Variants in GDF5 observed in about 807,000 individuals in gnomAD.
The protein encoded by GDF5 is growth/differentiation factor 5.
In GDF5, 17 loss-of-function variants were observed where a neutral mutation model predicts 34.6. That is an observed-to-expected ratio of 0.49 (90% CI 0.34 to 0.74). The LOEUF (loss-of-function observed/expected upper bound fraction) is 0.74, where lower values mean the gene tolerates loss of function less well. Ranked by LOEUF, GDF5 falls within the 30% of genes least tolerant of loss-of-function variation. The pLI, the probability that GDF5 is intolerant of heterozygous loss-of-function variation, is 0.01. For synonymous variants in GDF5, 332 were observed against 290.7 expected, an observed-to-expected ratio of 1.14 and a Z score of -1.44; for missense variants, 616 against 661.2, an observed-to-expected ratio of 0.93 and a Z score of 0.75.
At chr20:35,452,845 T>C (rs1289873252) in intron 1 of GDF5, among the ~76,000 whole-genome samples, 1 of 152,210 alleles carries the variant, frequency 6.6e-6, no homozygotes, top group Non-Finnish European at 1.5e-5. Flanking sequence ...ACCTACCATG[T>C]GTGTAAGACT....
chr20:35,437,819 C>T lies in GDF5; in HGVS notation c.110G>A (p.Gly37Glu). 1 of 1,613,744 alleles carries T rather than the reference C, an allele frequency of 6.2e-7. No individual in the cohort carries two copies. The highest frequency in any genetic ancestry group is 8.5e-7 in the Non-Finnish European group (1 of 1,179,820). The change falls in exon 1 of 2, where the codon GGG (glycine) becomes GAG (glutamate). Residue 37 changes from glycine to glutamate, a missense_variant. By Grantham distance (98) the Gly-to-Glu change is moderately conservative. Transcript: ENST00000374369. ...GAPDLGQRPQ[G>E]TRPGLAKAEA... ...TGCTTTGGCCAATCCTGGCCTGGTC[C>T]CCTGGGGTCTCTGGCCCAAGTCAGG...
intron 1 of GDF5, among the ~76,000 whole-genome samples, chr20:35,450,276 A>G (rs2062526700): frequency 6.6e-6 from 1 of 151,732 alleles, no homozygotes; most frequent in Non-Finnish European, 1.5e-5. Context: ...ACTGCACTCC[A>G]GCCTGGGCTA....
chr20:35,448,741 A>G (rs1160511920), intron 1 of GDF5, among the ~76,000 whole-genome samples: 1 of 152,048 alleles, frequency 6.6e-6, no homozygotes, highest in East Asian at 1.9e-4. Context: ...ATCAGGCCTG[A>G]CCAAGGGCCC....
Position 35,438,136 on chromosome 20 carries a change from T to A in GDF5, c.-208A>T. The A allele has an allele frequency of 1.6e-6, 1 of 622,090 alleles. No homozygotes were observed. Among genetic ancestry groups the A allele is most frequent in the Non-Finnish European group, 2.8e-6 (1 of 351,278 alleles). 38.5% of individuals were successfully genotyped at this position (622,090 alleles called of 1,614,324 possible). A position where few individuals can be genotyped will look rare whatever the true frequency, so the allele number is the denominator to read the frequency against. On this transcript the variant is annotated 5_prime_UTR_variant, in exon 1 of 2. Transcript: ENST00000374369. Reference sequence around the variant, plus strand: ...ATCCAGTCCCATAGTGGAAATGCTCTCGTATCCAGACGTGCACCGTCTCCA... The same window carrying A: ...ATCCAGTCCCATAGTGGAAATGCTCACGTATCCAGACGTGCACCGTCTCCA...
intron 1 of GDF5, among the ~76,000 whole-genome samples, chr20:35,448,413 A>T (rs224342): frequency 0.64 from 61,643 of 96,740 alleles, 20,206 homozygotes; most frequent in Non-Finnish European, 0.7. Flanking sequence ...AAAAAAAAAA[A>T]ATATATATAT....
intron 1 of GDF5, chr20:35,435,394 G>A (rs1376889707): frequency 7.0e-6 from 1 of 142,462 alleles, no homozygotes; most frequent in Non-Finnish European, 1.5e-5. Flanking sequence ...CAAGGCTTCA[G>A]TGAGCCGTGA....
chr20:35,438,313 G>GC, upstream of GDF5: 1 of 257,560 alleles, frequency 3.9e-6, no homozygotes, highest in Non-Finnish European at 7.6e-6. Context: ...GTGTGCTCCA[G>GC]TTTTTTTTTC....
chr20:35,442,687 G>T (rs143258976), upstream of GDF5, among the ~76,000 whole-genome samples: 2 of 151,370 alleles, frequency 1.3e-5, no homozygotes, highest in Non-Finnish European at 2.9e-5. Context: ...TGGGACTACC[G>T]ATGCGCACCA....
chr20:35,450,237 C>T (rs1337178639), intron 1 of GDF5, among the ~76,000 whole-genome samples: 2 of 149,360 alleles, frequency 1.3e-5, no homozygotes, highest in Non-Finnish European at 3.0e-5. Context: ...ACCCAGGAGG[C>T]GGAGGTTGCA....
At chr20:35,439,068 G>A (rs2146584946), upstream of GDF5, among the ~76,000 whole-genome samples, 1 of 151,910 alleles carries the variant, frequency 6.6e-6, no homozygotes, top group Non-Finnish European at 1.5e-5. Flanking sequence ...CTTCAGGCTT[G>A]GGGGCACTGT....
Position 35,434,553 on chromosome 20 carries a change from C to G in GDF5, c.862G>C (p.Gly288Arg), listed in dbSNP as rs752359558. The change falls in exon 2 of 2, where the codon GGA becomes CGA. Residue 288 changes from glycine to arginine, a missense_variant. Physicochemically the swap from Gly to Arg is moderately radical, Grantham distance 125. Coordinates refer to ENST00000374369, the MANE Select transcript of GDF5 (RefSeq NM_000557.5). ...ATGTCGAACACCTCCCAGCCAGATCCGTCCAGGCCTGGCACGGAGCGCACA... is the reference window on the plus strand; with the variant it reads ...ATGTCGAACACCTCCCAGCCAGATCGGTCCAGGCCTGGCACGGAGCGCACA... The part of the protein sequence containing the change: ...LDVRSVPGLD[G>R]SGWEVFDIWK... The G allele has an allele frequency of 3.8e-6, 6 of 1,589,008 alleles. No individual in the cohort carries two copies. In the African/African-American group the frequency reaches 6.8e-5, roughly 18 times the overall value.
upstream of GDF5, among the ~76,000 whole-genome samples, chr20:35,441,664 AG>A (rs570925708): frequency 2.5e-4 from 38 of 151,182 alleles, no homozygotes; most frequent in African/African-American, 9.0e-4. Context: ...TGTGGTAGCC[AG>A]GATGGTCTCG....
rs2062482714 is a variant in GDF5, at chr20:35,438,036, CAGCAGCAGT to C, written c.-117_-109del. The C allele has an allele frequency of 2.4e-6, 3 of 1,272,208 alleles. No individual in the cohort carries two copies. In the East Asian group the frequency reaches 7.4e-5, roughly 31 times the overall value. The allele number at this position is 1,272,208 out of a possible 1,614,324, so 78.8% of individuals were successfully genotyped here. ...AGGAGTGGACTTTCAAAAGCAGCGG[CAGCAGCAGT>C]AGCAGCAGAAGGAAAGGCTTTCTCC... is the stretch of plus-strand genomic sequence containing the variant. On this transcript the variant is annotated 5_prime_UTR_variant, in exon 1 of 2. Transcript: ENST00000374369.
chr20:35,451,074 T>TATATATATATATATATATAA lies in GDF5; in HGVS notation c.-398+3565_-398+3566insTTATATATATATATATATAT, dbSNP rs2062531278. 1.2e-4 allele frequency among the ~76,000 whole-genome samples: 5 copies of TATATATATATATATATATAA among 41,862 alleles called. 1 individual carries two copies. Among genetic ancestry groups the TATATATATATATATATATAA allele is most frequent in the Admixed American group, 4.2e-4 (2 of 4,784 alleles). The allele number at this position is 41,862 out of a possible 152,430, so 27.5% of individuals were successfully genotyped here. On this transcript the variant is annotated intron_variant, in intron 1 of 3. Transcript: ENST00000374372. ...AAAAAAAAAAAAAAAAATATATATA[T>TATATATATATATATATATAA]ATATATATATATATATATACACAAA...
upstream of GDF5, among the ~76,000 whole-genome samples, chr20:35,440,167 T>C (rs1209720987): frequency 6.6e-6 from 1 of 151,452 alleles, no homozygotes; most frequent in Non-Finnish European, 1.5e-5. Flanking sequence ...TCCACCCACC[T>C]TGGCCTCTCA....
At chr20:35,442,430 C>T (rs1283731482), upstream of GDF5, among the ~76,000 whole-genome samples, 4 of 151,808 alleles carry the variant, frequency 2.6e-5, no homozygotes, top group Non-Finnish European at 4.4e-5. Context: ...AATAAATGAA[C>T]GAGTTGAACA....
rs748530493 is a variant in GDF5, at chr20:35,434,748, C to T, written c.667G>A (p.Val223Met). ...RGPVVRKQRY[V>M]FDISALEKDG... ...TTCTCCAGGGCACTAATGTCAAACA[C>T]GTACCTCTGCTTCCTGACCACGGGA... Residue 223 changes from valine to methionine, a missense_variant, in exon 2 of 2, where the codon GTG (valine) becomes ATG (methionine). By Grantham distance (21) the Val-to-Met change is conservative. Coordinates refer to ENST00000374369, the MANE Select transcript of GDF5 (RefSeq NM_000557.5). The T allele has an allele frequency of 1.2e-6, 2 of 1,611,188 alleles. No homozygotes were observed. The highest frequency in any genetic ancestry group is 1.7e-6 in the Non-Finnish European group (2 of 1,179,942).
intron 1 of GDF5, among the ~76,000 whole-genome samples, chr20:35,443,869 A>G (rs2062505937): frequency 6.6e-6 from 1 of 152,046 alleles, no homozygotes; most frequent in African/African-American, 2.4e-5. Flanking sequence ...CAGTGAACTG[A>G]GTGATAATAA....
chr20:35,435,651 A>C (rs2062469360), intron 1 of GDF5, among the ~76,000 whole-genome samples: 1 of 152,076 alleles, frequency 6.6e-6, no homozygotes, highest in Non-Finnish European at 1.5e-5. Context: ...CTAAGGTCAC[A>C]CAGCAAGTTA....
Sources: allele counts gnomAD v4.1 joint callset (sites outside exome capture counted in the v4.1 genomes callset), GRCh38; gene constraint gnomAD v4.1.1; transcripts MANE v1.5; gene names NCBI Gene and HGNC (gene_info 2026-07-23, HGNC 2026-07-21).